The following SGO1 variants were observed in gnomAD, a reference collection of about 807,000 sequenced individuals.
The protein encoded by SGO1 is serologically defined breast cancer antigen NY-BR-85.
SGO1 carries 39 observed loss-of-function variants against 50.5 expected under a neutral mutation model. The ratio of observed to expected loss-of-function variants is 0.77; its 90% CI spans 0.60 to 1.01. The LOEUF (loss-of-function observed/expected upper bound fraction) is 1.01. Ranked by LOEUF, SGO1 falls within the 50% of genes least tolerant of loss-of-function variation. The probability of loss-of-function intolerance (pLI) is 0.00; values close to 1 mark genes in which losing one functional copy is unlikely to be tolerated. For synonymous variants in SGO1, 191 were observed against 205.1 expected, an observed-to-expected ratio of 0.93 and a Z score of 0.59; for missense variants, 638 against 606.0, an observed-to-expected ratio of 1.05 and a Z score of -0.55.
At position 20,170,490 on chromosome 3, in the gene SGO1, T is replaced by C. The variant is rs1700601029; in HGVS notation, c.*214A>G. The C allele has an allele frequency of 1.8e-6, 2 of 1,127,574 alleles. No individual in the cohort carries two copies. Among genetic ancestry groups the C allele is most frequent in the Non-Finnish European group, 2.2e-6 (2 of 923,336 alleles). The allele number at this position is 1,127,574 out of a possible 1,614,324, so 69.8% of individuals were successfully genotyped here. On this transcript the variant is annotated 3_prime_UTR_variant, in exon 8 of 8. Coordinates refer to ENST00000412997, the MANE Select transcript of SGO1 (RefSeq NM_001199251.3). ...ATGATAATGCTTAAGCTCAGTTATT[T>C]ATATTCAAAAGAAAAAATAAATTAA...
chr3:20,162,633 A>G (rs1487974873), intron 8 of SGO1, among the ~76,000 whole-genome samples: 2 of 152,182 alleles, frequency 1.3e-5, no homozygotes, highest in African/African-American at 4.8e-5. Context: ...AAATAGGCCA[A>G]TAAAAGTTGA....
At chr3:20,170,987 CT>C in intron 7 of SGO1, 55 bp downstream of exon 7, 1 of 1,515,858 alleles carries the variant, frequency 6.6e-7, no homozygotes, top group South Asian at 1.3e-5. Context: ...GCTCCATAAC[CT>C]TATTCCCCCC....
exon 9 of SGO1, chr3:20,160,952 A>C (rs900375065): frequency 2.6e-6 from 3 of 1,157,282 alleles, no homozygotes; most frequent in Non-Finnish European, 3.6e-6. Context: ...TAAAGGGCTT[A>C]GATTTTATTA....
chr3:20,185,306 C>A (rs928823840), intron 1 of SGO1, among the ~76,000 whole-genome samples: 2 of 152,096 alleles, frequency 1.3e-5, no homozygotes, highest in Non-Finnish European at 2.9e-5. Flanking sequence ...AAAGGCAAAG[C>A]CTTACCTAAA....
chr3:20,177,144 A>T (rs1701490490), intron 4 of SGO1: 1 of 152,532 alleles, frequency 6.6e-6, no homozygotes, highest in South Asian at 2.1e-4. Flanking sequence ...TGAAACATGA[A>T]GTGTTCTTTA....
In SGO1 at chr3:20,183,786, A is replaced by T. The variant is rs192601368; in HGVS notation, c.161T>A (p.Leu54Gln). 102 of 1,611,406 alleles carry T rather than the reference A, an allele frequency of 6.3e-5. No individual in the cohort carries two copies. The highest frequency in any genetic ancestry group is 8.5e-7 in the Non-Finnish European group (1 of 1,179,338). The part of the protein sequence containing the change: ...CQIITNTSTL[L>Q]KNYQDNNKML... ...TTTGTTGTTGTCTTGGTAATTTTTC[A>T]GCAGTGTAGAAGTGTTGGCTAAAAG... The change falls in exon 3 of 8, where the codon CTG (leucine) becomes CAG (glutamine). Residue 54 changes from leucine (L) to glutamine (Q), a missense_variant. By Grantham distance (113) the Leu-to-Gln change is moderately radical (BLOSUM62 -2). Transcript: ENST00000412997.
downstream of SGO1, among the ~76,000 whole-genome samples, chr3:20,165,878 C>A (rs1700272655): frequency 6.6e-6 from 1 of 152,014 alleles, no homozygotes; most frequent in Admixed American, 6.6e-5. Context: ...ATGGTGAAAC[C>A]CCGACTCTAC....
Position 20,161,727 on chromosome 3 carries a change from GCAATATT to G in SGO1, c.1565-508_1565-502del, listed in dbSNP as rs147885283. On this transcript the variant is annotated intron_variant, in intron 8 of 8. Coordinates refer to the SGO1 transcript ENST00000263753. ...TGCATAAGGAGAGAATGGGAAAAAG[GCAATATT>G]CAACAAGCCAATAATTTTTCATAAT... 1.1e-3 allele frequency among the ~76,000 whole-genome samples: 170 copies of G among 152,110 alleles called. 1 individual carries two copies. In the Middle Eastern group the frequency reaches 0.017, roughly 15 times the overall value.
intron 4 of SGO1, chr3:20,177,344 G>A (rs1422107024): frequency 7.9e-6 from 1 of 126,552 alleles, no homozygotes; most frequent in Non-Finnish European, 1.7e-5. Context: ...AGATCTTAAA[G>A]TACAACAGTT....
rs147116102 is a variant in SGO1 at position 20,180,658 on chromosome 3, T to C, written c.340-2311A>G. 4.3e-4 allele frequency among the ~76,000 whole-genome samples: 65 copies of C among 152,302 alleles called. 1 individual carries two copies. In the East Asian group the frequency reaches 0.013, roughly 29 times the overall value. Reference sequence around the variant, plus strand: ...GTAACAAGAGGGAAGATGAAGAACCTAAGTATAGAGGTGGATTTGCAGATC... The same window carrying C: ...GTAACAAGAGGGAAGATGAAGAACCCAAGTATAGAGGTGGATTTGCAGATC... On this transcript the variant is annotated intron_variant, in intron 3 of 7. Transcript: ENST00000412997.
intron 8 of SGO1, among the ~76,000 whole-genome samples, chr3:20,162,382 G>T (rs1700082508): frequency 6.6e-6 from 1 of 152,144 alleles, no homozygotes. Context: ...TCTTCGTACT[G>T]GGGGTAAACG....
intron 6 of SGO1, among the ~76,000 whole-genome samples, chr3:20,173,424 G>A (rs139374073): frequency 6.6e-6 from 1 of 152,264 alleles, no homozygotes; most frequent in East Asian, 1.9e-4. Flanking sequence ...ACAGGCGTGA[G>A]CCAACCCGCC....
intron 6 of SGO1, among the ~76,000 whole-genome samples, chr3:20,173,185 G>T (rs1031215164): frequency 6.6e-6 from 1 of 150,968 alleles, no homozygotes; most frequent in Non-Finnish European, 1.5e-5. Context: ...AGGCTGGAGC[G>T]CAATGGCATG....
At chr3:20,172,362 G>A (rs1404793818) in intron 6 of SGO1, among the ~76,000 whole-genome samples, 5 of 152,190 alleles carry the variant, frequency 3.3e-5, no homozygotes, top group South Asian at 2.1e-4. Flanking sequence ...TTAGCTGGGC[G>A]TGGTGGCACA....
intron 1 of SGO1, among the ~76,000 whole-genome samples, chr3:20,185,382 T>C (rs932569829): frequency 3.3e-5 from 5 of 152,208 alleles, no homozygotes; most frequent in African/African-American, 1.2e-4. Flanking sequence ...TCAAAAGTTT[T>C]ATATCCTGTC....
chr3:20,166,842 C>CAAAAAAAAAA (rs58288144), downstream of SGO1, among the ~76,000 whole-genome samples: 1 of 42,752 alleles, frequency 2.3e-5, no homozygotes, highest in African/African-American at 9.6e-5. Context: ...CCATCTCTAC[C>CAAAAAAAAAA]AAAAAAAAAA....
chr3:20,162,501 A>G (rs770087330), intron 8 of SGO1, among the ~76,000 whole-genome samples: 4 of 152,180 alleles, frequency 2.6e-5, no homozygotes, highest in Non-Finnish European at 5.9e-5. Context: ...AACGAAGTTA[A>G]CTCTTTAAAA....
At chr3:20,184,347 T>C (rs551666501) in intron 1 of SGO1, among the ~76,000 whole-genome samples, 39 of 152,328 alleles carry the variant, frequency 2.6e-4, no homozygotes, top group Middle Eastern at 3.4e-3. Context: ...CCAGACACTA[T>C]TGAAAATGCT....
chr3:20,165,420 T>C (rs767490879), downstream of SGO1, among the ~76,000 whole-genome samples: 3 of 151,884 alleles, frequency 2.0e-5, no homozygotes, highest in Non-Finnish European at 2.9e-5. Context: ...GTAGCAGATA[T>C]AAAGCAAAAA....
Sources: allele counts gnomAD v4.1 joint callset (sites outside exome capture counted in the v4.1 genomes callset), GRCh38; gene constraint gnomAD v4.1.1; transcripts MANE v1.5; gene names NCBI Gene and HGNC (gene_info 2026-07-23, HGNC 2026-07-21).